Variants in SLC25A13 observed in about 807,000 individuals in gnomAD.
SLC25A13 encodes electrogenic aspartate/glutamate antiporter SLC25A13, mitochondrial.
SLC25A13 carries 70 observed loss-of-function variants against 85.5 expected under a neutral mutation model. The observed-to-expected ratio is 0.82, with a 90% CI of 0.68 to 1.00. The LOEUF (loss-of-function observed/expected upper bound fraction) is 1.00. SLC25A13 is among the 50% of genes least tolerant of loss of function. SLC25A13 has a pLI of 0.00. For missense variants in SLC25A13, 765 were observed against 819.8 expected (o/e 0.93, Z 0.82); for synonymous variants, 259 against 288.7 (o/e 0.90, Z 1.04).
chr7:96,167,660 T>C (rs140718060), intron 13 of SLC25A13, among the ~76,000 whole-genome samples: 2 of 152,344 alleles, frequency 1.3e-5, no homozygotes, highest in East Asian at 1.9e-4. Context: ...GAACCGCTCA[T>C]GTGACACAAC....
intron 3 of SLC25A13, among the ~76,000 whole-genome samples, chr7:96,235,654 G>A (rs763406337): frequency 1.1e-4 from 16 of 152,310 alleles, no homozygotes; most frequent in Non-Finnish European, 1.5e-4. Context: ...AAGCTAAGGA[G>A]TGTACAGGGA....
intron 5 of SLC25A13, among the ~76,000 whole-genome samples, chr7:96,201,747 G>A (rs1370592400): frequency 6.6e-6 from 1 of 152,116 alleles, no homozygotes; most frequent in African/African-American, 2.4e-5. Context: ...GAAAATTTGG[G>A]GTTGCCATGG....
intron 5 of SLC25A13, among the ~76,000 whole-genome samples, chr7:96,196,601 C>T (rs1276344253): frequency 6.6e-6 from 1 of 152,170 alleles, no homozygotes; most frequent in Non-Finnish European, 1.5e-5. Flanking sequence ...TGAGCAGGGA[C>T]CCCTCAAGTT....
intron 3 of SLC25A13, among the ~76,000 whole-genome samples, chr7:96,250,428 C>T (rs943783013): frequency 5.9e-5 from 9 of 152,156 alleles, no homozygotes; most frequent in South Asian, 2.1e-4. Flanking sequence ...CTTAACTCTA[C>T]GGCAGAAGGC....
At chr7:96,264,815 C>CT (rs1049882348) in intron 3 of SLC25A13, among the ~76,000 whole-genome samples, 1 of 151,892 alleles carries the variant, frequency 6.6e-6, no homozygotes, top group Non-Finnish European at 1.5e-5. Context: ...TCCCAAAGTG[C>CT]TGGGATTACA....
intron 3 of SLC25A13, among the ~76,000 whole-genome samples, chr7:96,253,227 C>T (rs1239593782): frequency 6.6e-6 from 1 of 151,936 alleles, no homozygotes; most frequent in East Asian, 1.9e-4. Flanking sequence ...TTTTTCTTCA[C>T]ATGGAAGGTC....
intron 4 of SLC25A13, among the ~76,000 whole-genome samples, chr7:96,219,289 G>A (rs1189439263): frequency 6.6e-6 from 1 of 152,086 alleles, no homozygotes; most frequent in African/African-American, 2.4e-5. Context: ...TAGGTACAGT[G>A]GTGATAGGTA....
intron 1 of SLC25A13, among the ~76,000 whole-genome samples, chr7:96,304,911 G>T (rs974382583): frequency 3.3e-5 from 5 of 152,250 alleles, no homozygotes; most frequent in Admixed American, 3.3e-4. Context: ...TCATAAGGCA[G>T]AGTGGCAGGA....
chr7:96,205,925 G>GT (rs1015945741), intron 5 of SLC25A13, among the ~76,000 whole-genome samples: 2 of 150,230 alleles, frequency 1.3e-5, no homozygotes, highest in African/African-American at 4.9e-5. Flanking sequence ...CTTAGATATA[G>GT]TAAAACATTT....
chr7:96,216,056 G>A (rs2116741708), intron 4 of SLC25A13, among the ~76,000 whole-genome samples: 1 of 152,096 alleles, frequency 6.6e-6, no homozygotes, highest in South Asian at 2.1e-4. Context: ...TCAGGAGGCT[G>A]AGGCAGGAAG....
chr7:96,209,133 C>G (rs1015225202), intron 4 of SLC25A13, among the ~76,000 whole-genome samples, 156 bp from the exon 5 acceptor site: 3 of 151,550 alleles, frequency 2.0e-5, no homozygotes, highest in Non-Finnish European at 2.9e-5. Context: ...ATAAAAGAAC[C>G]CTCAAGGAAT....
chr7:96,212,784 T>G (rs1465655576), intron 4 of SLC25A13, among the ~76,000 whole-genome samples: 1 of 152,072 alleles, frequency 6.6e-6, no homozygotes, highest in African/African-American at 2.4e-5. Context: ...ATGTTTATGG[T>G]GAAGAAAAGT....
chr7:96,319,620 C>A (rs1223246790), intron 1 of SLC25A13, among the ~76,000 whole-genome samples: 1 of 150,836 alleles, frequency 6.6e-6, no homozygotes, highest in Non-Finnish European at 1.5e-5. Flanking sequence ...CCTCACTGAT[C>A]ATTTCCTCTT....
chr7:96,275,152 C>T (rs1360522459), intron 3 of SLC25A13, among the ~76,000 whole-genome samples: 1 of 152,112 alleles, frequency 6.6e-6, no homozygotes, highest in Non-Finnish European at 1.5e-5. Context: ...AATGTTCTTC[C>T]ATTTGTTTGT....
chr7:96,185,214 C>G (rs945013815), intron 9 of SLC25A13, among the ~76,000 whole-genome samples: 8 of 152,134 alleles, frequency 5.3e-5, no homozygotes, highest in East Asian at 1.9e-4. Flanking sequence ...ATGTTTAAAA[C>G]CAAATTTCAA....
chr7:96,213,790 G>T (rs1288701054), intron 4 of SLC25A13, among the ~76,000 whole-genome samples: 1 of 152,144 alleles, frequency 6.6e-6, no homozygotes, highest in East Asian at 1.9e-4. Flanking sequence ...CCATGTTGAG[G>T]TCATATAGGC....
chr7:96,153,669 G>A (rs1584380906), intron 13 of SLC25A13, among the ~76,000 whole-genome samples: 2 of 152,296 alleles, frequency 1.3e-5, no homozygotes, highest in East Asian at 3.9e-4. Flanking sequence ...CTCTCACCCA[G>A]GCTATTATCA....
intron 13 of SLC25A13, among the ~76,000 whole-genome samples, chr7:96,162,734 T>C (rs1445520061): frequency 1.3e-5 from 2 of 152,148 alleles, no homozygotes; most frequent in Admixed American, 1.3e-4. Flanking sequence ...GAAGAAGTTA[T>C]GGATTAGAAT....
At chr7:96,190,780 T>C (rs1794818415) in intron 7 of SLC25A13, among the ~76,000 whole-genome samples, 1 of 152,100 alleles carries the variant, frequency 6.6e-6, no homozygotes, top group Admixed American at 6.5e-5. Context: ...ACCCGACTAA[T>C]GTTTGTATTT....
Sources: allele counts gnomAD v4.1 joint callset (sites outside exome capture counted in the v4.1 genomes callset), GRCh38; gene constraint gnomAD v4.1.1; transcripts MANE v1.5; gene names NCBI Gene and HGNC (gene_info 2026-07-23, HGNC 2026-07-21).